VPS37A: variants seen among roughly 807,000 people sequenced by gnomAD.
The protein encoded by VPS37A is vacuolar protein sorting-associated protein 37A.
A neutral mutation model predicts 49.8 loss-of-function variants in VPS37A; 30 were observed. The observed-to-expected ratio is 0.60, with a 90% CI of 0.45 to 0.82. The LOEUF is 0.82. VPS37A is among the 40% of genes least tolerant of loss of function. The pLI, the probability that VPS37A is intolerant of heterozygous loss-of-function variation, is 0.00. For missense variants in VPS37A, 593 were observed against 464.4 expected, an observed-to-expected ratio of 1.28 and a Z score of -2.55; for synonymous variants, 195 against 160.6, an observed-to-expected ratio of 1.21 and a Z score of -1.62.
At chr8:17,273,280 C>T (rs1814182989) in intron 4 of VPS37A, among the ~76,000 whole-genome samples, 1 of 152,016 alleles carries the variant, frequency 6.6e-6, no homozygotes, top group African/African-American at 2.4e-5. Context: ...ATATTTTACC[C>T]AAATGTGAGC....
At chr8:17,309,358 A>C in the VPS37A span, 1 of 1,422,516 alleles carries the variant, frequency 7.0e-7, no homozygotes, top group East Asian at 2.3e-5. Flanking sequence ...TATCTTGGAG[A>C]GAAGCAAACG....
the VPS37A span, among the ~76,000 whole-genome samples, chr8:17,324,247 G>A: frequency 6.6e-6 from 1 of 152,180 alleles, no homozygotes; most frequent in Admixed American, 6.5e-5. Flanking sequence ...AACACTCTCA[G>A]TAACTGTCTG....
Position 17,286,422 on chromosome 8 carries a change from CTATAGG to C in VPS37A, c.1192_*3del. On this transcript the variant is annotated splice_donor_variant and coding_sequence_variant and 3_prime_UTR_variant, in exon 11 of 12. Transcript: ENST00000324849. LOFTEE classifies it high-confidence loss of function. The stretch of plus-strand genomic sequence containing the variant: ...AATGCACAGCCAATTTCATGCTCCA[CTATAGG>C]TAAATTGTATTTCAAGTTTGAGTCT... The C allele has an allele frequency of 6.2e-7, 1 of 1,613,268 alleles. No homozygotes were observed. Among genetic ancestry groups the C allele is most frequent in the Non-Finnish European group, 8.5e-7 (1 of 1,179,550 alleles).
the VPS37A span, chr8:17,311,497 G>C: frequency 6.2e-7 from 1 of 1,614,038 alleles, no homozygotes; most frequent in East Asian, 2.2e-5. Flanking sequence ...GAATCGCCCA[G>C]TGGCCACACT....
intron 1 of VPS37A, among the ~76,000 whole-genome samples, chr8:17,258,047 T>G (rs1812637012): frequency 6.6e-6 from 1 of 152,156 alleles, no homozygotes; most frequent in Non-Finnish European, 1.5e-5. Flanking sequence ...TCTGTTTTTT[T>G]GGTGGGGTCT....
chr8:17,315,257 A>G, the VPS37A span, among the ~76,000 whole-genome samples: 2 of 152,196 alleles, frequency 1.3e-5, no homozygotes, highest in African/African-American at 4.8e-5. Flanking sequence ...GCTACATATT[A>G]TATGATGTCA....
the VPS37A span, among the ~76,000 whole-genome samples, chr8:17,330,303 C>T: frequency 3.0e-4 from 45 of 152,300 alleles, no homozygotes; most frequent in African/African-American, 8.7e-4. Flanking sequence ...GCCCACTTCC[C>T]GGGCTCCCAG....
intron 11 of VPS37A, among the ~76,000 whole-genome samples, chr8:17,287,363 G>A (rs1057101622): frequency 1.3e-5 from 2 of 152,010 alleles, no homozygotes; most frequent in African/African-American, 2.4e-5. Context: ...TCTTATTTCT[G>A]CATCTCTATT....
intron 4 of VPS37A, among the ~76,000 whole-genome samples, chr8:17,273,931 C>A (rs186922935): frequency 1.3e-5 from 2 of 152,114 alleles, no homozygotes; most frequent in Middle Eastern, 3.2e-3. Flanking sequence ...TAAAACATAA[C>A]TGTAAGTCCC....
chr8:17,269,936 A>G (rs780193730), intron 4 of VPS37A, among the ~76,000 whole-genome samples: 18 of 152,200 alleles, frequency 1.2e-4, no homozygotes, highest in Non-Finnish European at 2.6e-4. Flanking sequence ...TCTGCTGGCT[A>G]TACAAGAAGC....
the VPS37A span, among the ~76,000 whole-genome samples, chr8:17,330,780 C>T: frequency 1.3e-5 from 2 of 152,166 alleles, no homozygotes; most frequent in Non-Finnish European, 2.9e-5. Context: ...GTTTTTGAGC[C>T]TGATCTCCAT....
intron 9 of VPS37A, among the ~76,000 whole-genome samples, chr8:17,283,323 T>C (rs762649638): frequency 3.9e-5 from 6 of 151,988 alleles, no homozygotes; most frequent in Non-Finnish European, 8.8e-5. Flanking sequence ...ACCTGGCTAA[T>C]TTTTGTATTT....
chr8:17,266,965 G>A (rs920647113), intron 2 of VPS37A, among the ~76,000 whole-genome samples: 4 of 151,916 alleles, frequency 2.6e-5, no homozygotes, highest in Non-Finnish European at 4.4e-5. Context: ...TAGAGACGAG[G>A]TTTCACCATG....
chr8:17,321,146 T>C, the VPS37A span, among the ~76,000 whole-genome samples: 3 of 152,192 alleles, frequency 2.0e-5, no homozygotes, highest in Non-Finnish European at 4.4e-5. Flanking sequence ...AAAGATCCTT[T>C]TCACCACCTT....
chr8:17,326,187 G>A, the VPS37A span: 2 of 152,164 alleles, frequency 1.3e-5, no homozygotes, highest in Non-Finnish European at 2.9e-5. Context: ...GGTTAAGAGT[G>A]AGGCATCTGC....
At chr8:17,272,111 C>T (rs757066428) in intron 4 of VPS37A, 1 of 456,204 alleles carries the variant, frequency 2.2e-6, no homozygotes, top group South Asian at 1.6e-5. Flanking sequence ...TATTGGTAAA[C>T]TTTCCACTAA....
Position 17,274,839 on chromosome 8 carries a change from G to T in VPS37A, c.523G>T (p.Val175Phe), listed in dbSNP as rs1586011394. The T allele has an allele frequency of 1.9e-6, 3 of 1,614,034 alleles. 1 individual carries two copies. In the South Asian group the frequency reaches 3.3e-5, roughly 18 times the overall value. ...EANRSITSLS[V>F]ADTVSSSTTS... is the part of the protein sequence containing the mutation. ...AAACAGGAGTATCACTTCTTTATCT[G>T]TTGCTGACACTGTTTCTTCTTCAAC... Residue 175 changes from valine to phenylalanine, a missense_variant, in exon 5 of 12, where the codon GTT (valine) becomes TTT (phenylalanine). Coordinates refer to ENST00000324849, the MANE Select transcript of VPS37A (RefSeq NM_152415.3).
At chr8:17,332,900 A>C in the VPS37A span, among the ~76,000 whole-genome samples, 3,947 of 152,338 alleles carry the variant, frequency 0.026, 170 homozygotes, top group African/African-American at 0.089. Flanking sequence ...CAGCAATTAC[A>C]GCAGAAAGAC....
At chr8:17,300,223 C>A (rs118181127), downstream of VPS37A, 1 of 1,597,422 alleles carries the variant, frequency 6.3e-7, no homozygotes, top group East Asian at 2.2e-5. Flanking sequence ...TTTTTCCAGC[C>A]TCTAAGAAAG....
Sources: allele counts gnomAD v4.1 joint callset (sites outside exome capture counted in the v4.1 genomes callset), GRCh38; gene constraint gnomAD v4.1.1; transcripts MANE v1.5; gene names NCBI Gene and HGNC (gene_info 2026-07-23, HGNC 2026-07-21).